Variants in VWA8 observed in about 807,000 individuals in gnomAD.
VWA8 encodes the protein von Willebrand factor A domain-containing protein 8.
A neutral mutation model predicts 241.5 loss-of-function variants in VWA8; 221 were observed. That is an observed-to-expected ratio of 0.91 (90% CI 0.82 to 1.02). The LOEUF is 1.02. Ranked by LOEUF, VWA8 falls within the 50% of genes least tolerant of loss-of-function variation. The pLI, the probability that VWA8 is intolerant of heterozygous loss-of-function variation, is 0.00. For missense variants in VWA8, 2,322 were observed against 2,328.7 expected (o/e 1.00, Z 0.06); for synonymous variants, 852 against 827.1 (o/e 1.03, Z -0.52).
intron 26 of VWA8, among the ~76,000 whole-genome samples, chr13:41,708,065 T>A (rs1157851165): frequency 6.6e-6 from 1 of 152,082 alleles, no homozygotes; most frequent in Non-Finnish European, 1.5e-5. Flanking sequence ...CCTTAAAATA[T>A]TTTTACATGG....
chr13:41,780,060 C>G (rs1868816473), intron 19 of VWA8, among the ~76,000 whole-genome samples: 1 of 152,288 alleles, frequency 6.6e-6, no homozygotes, highest in Admixed American at 6.5e-5. Context: ...GCTGGATCTT[C>G]CTGTAGCAAT....
intron 9 of VWA8, among the ~76,000 whole-genome samples, chr13:41,882,452 C>T (rs1329903466): frequency 6.6e-6 from 1 of 152,184 alleles, no homozygotes; most frequent in Non-Finnish European, 1.5e-5. Context: ...CCAAGGCAGG[C>T]AGCTGGGAGG....
intron 35 of VWA8, among the ~76,000 whole-genome samples, chr13:41,681,112 C>T (rs1371261939): frequency 6.6e-6 from 1 of 152,168 alleles, no homozygotes; most frequent in Non-Finnish European, 1.5e-5. Context: ...CCACCATCCC[C>T]CAGGTGATGT....
intron 40 of VWA8, among the ~76,000 whole-genome samples, chr13:41,602,173 A>T (rs2044525829): frequency 2.0e-5 from 3 of 152,130 alleles, no homozygotes. Context: ...TAGAAGGCCC[A>T]CCTGAGAATA....
chr13:41,855,492 G>C (rs1323041301), intron 12 of VWA8, among the ~76,000 whole-genome samples: 2 of 151,070 alleles, frequency 1.3e-5, no homozygotes, highest in East Asian at 3.9e-4. Context: ...AAGGTAGTCA[G>C]CAATTAAAAG....
At chr13:41,601,323 A>G (rs750360107) in intron 40 of VWA8, among the ~76,000 whole-genome samples, 1 of 152,038 alleles carries the variant, frequency 6.6e-6, no homozygotes, top group African/African-American at 2.4e-5. Flanking sequence ...TATCTTATCA[A>G]TCTCTGTGCC....
intron 21 of VWA8, among the ~76,000 whole-genome samples, chr13:41,737,898 A>C (rs78044809): frequency 6.6e-6 from 1 of 152,256 alleles, no homozygotes; most frequent in Non-Finnish European, 1.5e-5. Context: ...AAAAAGAAAA[A>C]AGAAGACAAA....
chr13:41,852,052 C>T (rs1038099408), intron 12 of VWA8, among the ~76,000 whole-genome samples: 6 of 152,150 alleles, frequency 3.9e-5, no homozygotes, highest in African/African-American at 9.7e-5. Flanking sequence ...CTACCAACAA[C>T]GTACAAGCAT....
At chr13:41,571,346 C>CGTCTCCCTCTCCCTCTCCCCG (rs1285529648) in intron 43 of VWA8, among the ~76,000 whole-genome samples, 3 of 109,262 alleles carry the variant, frequency 2.7e-5, no homozygotes, top group Non-Finnish European at 4.1e-5. Flanking sequence ...CTCCCTCTCC[C>CGTCTCCCTCTCCCTCTCCCCG]GTCTCCCTCT....
At chr13:41,771,840 C>T (rs1417530946) in intron 20 of VWA8, among the ~76,000 whole-genome samples, 2 of 150,498 alleles carry the variant, frequency 1.3e-5, no homozygotes, top group African/African-American at 4.9e-5. Flanking sequence ...CCTTGGCCTC[C>T]CAAAATGCTG....
intron 20 of VWA8, among the ~76,000 whole-genome samples, chr13:41,769,856 C>T (rs1324308880): frequency 6.6e-6 from 1 of 152,172 alleles, no homozygotes; most frequent in African/African-American, 2.4e-5. Flanking sequence ...ACAAATATTA[C>T]TATTTTTAAT....
At chr13:41,661,581 T>C (rs1408009794) in intron 37 of VWA8, among the ~76,000 whole-genome samples, 1 of 152,220 alleles carries the variant, frequency 6.6e-6, no homozygotes, top group East Asian at 1.9e-4. Context: ...ATACCATAGA[T>C]TGAGACTTTT....
chr13:41,571,280 C>T (rs1593620799), intron 43 of VWA8, among the ~76,000 whole-genome samples: 1 of 136,678 alleles, frequency 7.3e-6, no homozygotes, highest in East Asian at 2.5e-4. Context: ...CTGTCCCTCT[C>T]CCGTCTCCCT....
At chr13:41,624,623 A>G (rs1014708502) in intron 37 of VWA8, among the ~76,000 whole-genome samples, 2 of 152,200 alleles carry the variant, frequency 1.3e-5, no homozygotes, top group Non-Finnish European at 2.9e-5. Flanking sequence ...AAAATTCAAC[A>G]TCCCTTTATG....
At chr13:41,667,417 C>T (rs1010386995) in intron 37 of VWA8, among the ~76,000 whole-genome samples, 2 of 152,166 alleles carry the variant, frequency 1.3e-5, no homozygotes, top group African/African-American at 4.8e-5. Flanking sequence ...GTGTACCAGA[C>T]ACTGTCTTCA....
At chr13:41,712,688 T>C (rs1376805350) in intron 26 of VWA8, among the ~76,000 whole-genome samples, 2 of 152,214 alleles carry the variant, frequency 1.3e-5, no homozygotes, top group African/African-American at 4.8e-5. Context: ...AGATCTGTGG[T>C]TGAATGCCCC....
intron 4 of VWA8, among the ~76,000 whole-genome samples, chr13:41,897,926 G>C (rs916581644): frequency 4.6e-5 from 7 of 152,168 alleles, no homozygotes; most frequent in South Asian, 2.1e-4. Context: ...TGGTAGAGCC[G>C]AGTGGTCTGT....
chr13:41,664,941 T>C (rs1048822226), intron 37 of VWA8, among the ~76,000 whole-genome samples: 1 of 152,210 alleles, frequency 6.6e-6, no homozygotes, highest in African/African-American at 2.4e-5. Flanking sequence ...CTAAACACTA[T>C]AATCCTCTGC....
intron 41 of VWA8, 57 bp from the exon 42 acceptor site, chr13:41,587,727 C>T (rs2282210): frequency 0.053 from 85,363 of 1,598,604 alleles, 2,918 homozygotes; most frequent in East Asian, 0.15. Flanking sequence ...CCCCTGGTGG[C>T]TGTCTTGGGG....
Sources: gnomAD v4.1 joint callset for allele counts (sites outside exome capture counted in the v4.1 genomes callset) on GRCh38, gnomAD v4.1.1 for gene constraint, MANE v1.5 for transcripts, NCBI Gene and HGNC (gene_info 2026-07-23, HGNC 2026-07-21) for gene names.